REN: variants seen among roughly 807,000 people sequenced by gnomAD.
REN encodes the protein angiotensin-forming enzyme.
REN carries 42 observed loss-of-function variants against 48.6 expected under a neutral mutation model. The ratio of observed to expected loss-of-function variants is 0.86; its 90% CI spans 0.68 to 1.12. REN has a LOEUF of 1.12. REN is among the 50% of genes most tolerant of loss of function. REN has a pLI of 0.00. For missense variants in REN, 443 were observed against 527.3 expected, an observed-to-expected ratio of 0.84 and a Z score of 1.57; for synonymous variants, 196 against 204.6, an observed-to-expected ratio of 0.96 and a Z score of 0.36.
At chr1:204,164,025 G>A (rs555567091) in intron 1 of REN, among the ~76,000 whole-genome samples, 28 of 152,296 alleles carry the variant, frequency 1.8e-4, no homozygotes, top group Admixed American at 1.3e-3. Flanking sequence ...CAAGTGCCTC[G>A]CATGATGCTC....
intron 9 of REN, among the ~76,000 whole-genome samples, 160 bp downstream of exon 9, chr1:204,155,659 TG>T (rs1187376018): frequency 6.6e-6 from 1 of 152,100 alleles, no homozygotes; most frequent in Non-Finnish European, 1.5e-5. Context: ...GTATGGGATG[TG>T]GCCCAGGTAC....
chr1:204,165,161 G>C (rs1658321553), intron 1 of REN, among the ~76,000 whole-genome samples: 1 of 151,920 alleles, frequency 6.6e-6, no homozygotes, highest in South Asian at 2.1e-4. Context: ...AGTAGAGACA[G>C]GGTTTCTCCA....
At chr1:204,157,951 C>T (rs1459838643) in intron 5 of REN, among the ~76,000 whole-genome samples, 5 of 152,152 alleles carry the variant, frequency 3.3e-5, no homozygotes, top group African/African-American at 1.2e-4. Context: ...TCAAGGCCTC[C>T]AAACTCCAGT....
At position 204,155,031 on chromosome 1, in the gene REN, G is replaced by T; in HGVS notation, c.1206C>A (p.Phe402Leu). 1 of 1,614,106 alleles carries T rather than the reference G, an allele frequency of 6.2e-7. No individual in the cohort carries two copies. Among genetic ancestry groups the T allele is most frequent in the African/African-American group, 1.3e-5 (1 of 75,072 alleles). Reference sequence around the variant, plus strand: ...GCAGAGGGCCTCAGCGGGCCAAGGCGAAGCCAATGCGGTTGTTACGCCGAT... The same window carrying T: ...GCAGAGGGCCTCAGCGGGCCAAGGCTAAGCCAATGCGGTTGTTACGCCGAT... ...EFDRRNNRIG[F>L]ALAR Residue 402 changes from phenylalanine (F) to leucine (L), a missense_variant, in exon 10 of 10, where the codon TTC becomes TTA. Transcript: ENST00000272190.
chr1:204,160,730 G>A (rs1032128701), intron 3 of REN, 52 bp from the exon 4 acceptor site: 20 of 1,299,776 alleles, frequency 1.5e-5, no homozygotes, highest in Middle Eastern at 1.8e-4. Flanking sequence ...CAGACAGGGG[G>A]ACTCAGAGGC....
chr1:204,162,701 C>T (rs1396381195), intron 1 of REN, among the ~76,000 whole-genome samples: 1 of 152,210 alleles, frequency 6.6e-6, no homozygotes, highest in African/African-American at 2.4e-5. Context: ...ACAGCAGCTG[C>T]AAGGTCTCCA....
chr1:204,155,444 G>A (rs988939767), intron 9 of REN, among the ~76,000 whole-genome samples: 37 of 152,192 alleles, frequency 2.4e-4, no homozygotes, highest in Non-Finnish European at 2.1e-4. Flanking sequence ...CTTAGCTTCT[G>A]ATCCTAGACA....
chr1:204,160,020 A>G (rs2102313137), intron 4 of REN, among the ~76,000 whole-genome samples: 1 of 152,292 alleles, frequency 6.6e-6, no homozygotes, highest in Admixed American at 6.5e-5. Flanking sequence ...GGGAGGCAGG[A>G]ATCACCCTGA....
rs774166976 is a variant in REN, at chr1:204,155,161, T to A, written c.1076A>T (p.Lys359Ile). ...GTGGATGGCCAGTGTGCACAGCTTTTTACTACTGTAGGATTCCTGGCAGGA... is the reference window on the plus strand; with the variant it reads ...GTGGATGGCCAGTGTGCACAGCTTTATACTACTGTAGGATTCCTGGCAGGA... ...DYVFQESYSS[K>I]KLCTLAIHAM... Residue 359 changes from lysine (K) to isoleucine (I), a missense_variant, in exon 10 of 10, where the codon AAA becomes ATA. Physicochemically the swap from Lys to Ile is moderately radical, Grantham distance 102. Coordinates refer to ENST00000272190, the MANE Select transcript of REN (RefSeq NM_000537.4). 22 of 1,614,070 alleles carry A rather than the reference T, an allele frequency of 1.4e-5. No individual in the cohort carries two copies. The East Asian group carries it at 4.5e-4, about 33-fold the overall frequency.
intron 4 of REN, 50 bp from the exon 5 acceptor site, chr1:204,159,645 T>A (rs780343795): frequency 6.4e-7 from 1 of 1,565,952 alleles, no homozygotes; most frequent in Non-Finnish European, 8.8e-7. Flanking sequence ...CACTCCTTGG[T>A]TGGAGTCTGG....
chr1:204,165,985 G>A (rs1658342734), intron 1 of REN, among the ~76,000 whole-genome samples: 1 of 152,166 alleles, frequency 6.6e-6, no homozygotes, highest in South Asian at 2.1e-4. Context: ...TTAGCATGGT[G>A]CTCTGGGCAG....
chr1:204,166,298 C>T lies in REN; in HGVS notation c.-5G>A. ...CATCCTTCTCCATCCATCCATGCTT[C>T]CCTCAGTCTGGGGCTCTCTCTGAGA... On this transcript the variant is annotated 5_prime_UTR_variant, in exon 1 of 10. Coordinates refer to ENST00000272190, the MANE Select transcript of REN (RefSeq NM_000537.4). 1 of 1,613,864 alleles carries T rather than the reference C, an allele frequency of 6.2e-7. No individual in the cohort carries two copies. Among genetic ancestry groups the T allele is most frequent in the Non-Finnish European group, 8.5e-7 (1 of 1,179,704 alleles).
At chr1:204,163,859 C>G (rs1385638907) in intron 1 of REN, among the ~76,000 whole-genome samples, 2 of 152,206 alleles carry the variant, frequency 1.3e-5, no homozygotes, top group Non-Finnish European at 2.9e-5. Context: ...TTCTAAGTCT[C>G]CATTAACCCC....
intron 6 of REN, 97 bp downstream of exon 6, chr1:204,157,264 C>T: frequency 6.6e-7 from 1 of 1,516,406 alleles, no homozygotes; most frequent in South Asian, 1.1e-5. Flanking sequence ...GCTGGGCTTG[C>T]TGATGTGAGT....
At chr1:204,160,461 C>T (rs2102313405) in intron 4 of REN, 99 bp downstream of exon 4, 1 of 826,008 alleles carries the variant, frequency 1.2e-6, no homozygotes, top group Non-Finnish European at 2.2e-6. Context: ...TCCAAGTGGG[C>T]TGCAGTGTAC....
At chr1:204,164,391 C>T (rs1658301108) in intron 1 of REN, among the ~76,000 whole-genome samples, 2 of 152,128 alleles carry the variant, frequency 1.3e-5, no homozygotes, top group Non-Finnish European at 2.9e-5. Flanking sequence ...TGAGATGAGA[C>T]ATGTGAAAAG....
At chr1:204,159,364 C>T (rs765727954) in intron 5 of REN, 35 bp downstream of exon 5, 15 of 1,587,826 alleles carry the variant, frequency 9.4e-6, no homozygotes, top group South Asian at 8.8e-5. Flanking sequence ...CCCCTCCTGT[C>T]CCCCCACCTC....
intron 9 of REN, 35 bp from the exon 10 acceptor site, chr1:204,155,212 C>T: frequency 1.2e-6 from 2 of 1,612,382 alleles, no homozygotes; most frequent in Non-Finnish European, 1.7e-6. Context: ...CCATACCCAG[C>T]ACATGAGCAT....
intron 8 of REN, 38 bp from the exon 9 acceptor site, chr1:204,155,956 A>G: frequency 1.3e-6 from 2 of 1,562,458 alleles, no homozygotes; most frequent in Non-Finnish European, 1.8e-6. Flanking sequence ...TTGAGTATGG[A>G]AGACGTCTCA....
Sources: allele counts gnomAD v4.1 joint callset (sites outside exome capture counted in the v4.1 genomes callset), GRCh38; gene constraint gnomAD v4.1.1; transcripts MANE v1.5; gene names NCBI Gene and HGNC (gene_info 2026-07-23, HGNC 2026-07-21).